SLC25A24: variants seen among roughly 807,000 people sequenced by gnomAD.
The protein encoded by SLC25A24 is solute carrier family 25 member 24, also known as mitochondrial adenyl nucleotide antiporter SLC25A24.
Under a neutral mutation model 60.7 loss-of-function variants are expected in SLC25A24, and 49 were observed. The observed-to-expected ratio is 0.81, with a 90% CI of 0.64 to 1.02. The LOEUF (loss-of-function observed/expected upper bound fraction) is 1.02. SLC25A24 is among the 50% of genes least tolerant of loss of function. The probability of loss-of-function intolerance (pLI) is 0.00; values close to 1 mark genes in which losing one functional copy is unlikely to be tolerated. For synonymous variants in SLC25A24, 202 were observed against 200.6 expected, an observed-to-expected ratio of 1.01 and a Z score of -0.06; for missense variants, 564 against 586.3, an observed-to-expected ratio of 0.96 and a Z score of 0.39.
intron 1 of SLC25A24, among the ~76,000 whole-genome samples, chr1:108,187,147 T>A (rs918684680): frequency 6.6e-6 from 1 of 151,972 alleles, no homozygotes; most frequent in African/African-American, 2.4e-5. Context: ...TGGTCAGATC[T>A]CCAACCTCCA....
intron 3 of SLC25A24, among the ~76,000 whole-genome samples, chr1:108,177,810 T>C (rs561204687): frequency 6.6e-6 from 1 of 152,316 alleles, no homozygotes; most frequent in South Asian, 2.1e-4. Flanking sequence ...CCTTAATAAG[T>C]TATGTAGCTA....
intron 1 of SLC25A24, among the ~76,000 whole-genome samples, chr1:108,186,693 T>C (rs575060122): frequency 6.6e-6 from 1 of 152,244 alleles, no homozygotes; most frequent in South Asian, 2.1e-4. Context: ...CCACCCAAAA[T>C]ATAACCTATC....
intron 1 of SLC25A24, among the ~76,000 whole-genome samples, chr1:108,198,130 C>T (rs140799017): frequency 6.6e-6 from 1 of 152,168 alleles, no homozygotes; most frequent in African/African-American, 2.4e-5. Context: ...GATGCCAGCA[C>T]CACGCTTCTT....
At chr1:108,169,754 AC>A (rs1357969002) in intron 3 of SLC25A24, among the ~76,000 whole-genome samples, 3 of 152,188 alleles carry the variant, frequency 2.0e-5, no homozygotes, top group Non-Finnish European at 2.9e-5. Flanking sequence ...TTGCTTAGGT[AC>A]TATAAGCTGT....
At chr1:108,159,102 T>C (rs1679983988) in intron 4 of SLC25A24, among the ~76,000 whole-genome samples, 1 of 152,318 alleles carries the variant, frequency 6.6e-6, no homozygotes, top group Non-Finnish European at 1.5e-5. Context: ...ATAATAGAAC[T>C]TGGTTTACAT....
chr1:108,161,233 A>G lies in SLC25A24; in HGVS notation c.459T>C (p.Phe153=), dbSNP rs1477349984. 6.2e-7 allele frequency: 1 copy of G among 1,603,792 alleles called. No individual in the cohort carries two copies. The highest frequency in any genetic ancestry group is 2.2e-5 in the East Asian group (1 of 44,800). ...TTTCCTCAATGTCTGTAACAGGATT[A>G]AATAAGAAGTAGTCTCTCCATTCAT... ...DWNEWRDYFL[F]NPVTDIEEII... is the part of the protein sequence containing the mutation. The change falls in exon 4 of 10, where the codon TTT becomes TTC. Residue 153 remains phenylalanine, a synonymous_variant. Transcript: ENST00000565488.
At chr1:108,157,878 T>C (rs1679946721) in intron 4 of SLC25A24, among the ~76,000 whole-genome samples, 1 of 152,026 alleles carries the variant, frequency 6.6e-6, no homozygotes, top group Admixed American at 6.5e-5. Context: ...CTTTCATTCA[T>C]CATAGATTCA....
At chr1:108,173,618 C>A (rs965607736) in intron 3 of SLC25A24, among the ~76,000 whole-genome samples, 2 of 152,134 alleles carry the variant, frequency 1.3e-5, no homozygotes, top group African/African-American at 4.8e-5. Flanking sequence ...GACTTTGGAA[C>A]TGGGTAACAG....
chr1:108,167,825 A>C (rs1033530352), intron 3 of SLC25A24, among the ~76,000 whole-genome samples: 10 of 152,166 alleles, frequency 6.6e-5, no homozygotes, highest in African/African-American at 2.4e-4. Context: ...AGTCTTAAGA[A>C]ATCCTGGCAC....
intron 3 of SLC25A24, among the ~76,000 whole-genome samples, chr1:108,167,512 C>G (rs185435946): frequency 6.6e-6 from 1 of 152,024 alleles, no homozygotes; most frequent in African/African-American, 2.4e-5. Flanking sequence ...TTTTTAAGCC[C>G]GTCAGAAAAG....
intron 3 of SLC25A24, among the ~76,000 whole-genome samples, chr1:108,165,932 T>C (rs1364694342): frequency 6.6e-6 from 1 of 152,216 alleles, no homozygotes; most frequent in African/African-American, 2.4e-5. Context: ...CGGCTGGTAC[T>C]GATTGTTCCT....
At chr1:108,142,787 T>C (rs1047234200) in intron 8 of SLC25A24, among the ~76,000 whole-genome samples, 3 of 152,144 alleles carry the variant, frequency 2.0e-5, no homozygotes, top group African/African-American at 7.2e-5. Context: ...TAATAATTTT[T>C]AAAAATTATG....
intron 3 of SLC25A24, among the ~76,000 whole-genome samples, chr1:108,171,234 T>C (rs1243138103): frequency 1.3e-5 from 2 of 152,026 alleles, no homozygotes; most frequent in Non-Finnish European, 2.9e-5. Context: ...TTACCACATA[T>C]ATATAACAAA....
rs1444221850 is a variant in SLC25A24, at chr1:108,134,216, C to G, written c.*2437G>C. 1 of 152,218 alleles carries G rather than the reference C, an allele frequency of 6.6e-6. No individual in the cohort carries two copies. The highest frequency in any genetic ancestry group is 2.4e-5 in the African/African-American group (1 of 41,458). The allele number at this position is 152,218 out of a possible 1,614,324, so 9.4% of individuals were successfully genotyped here. A position where few individuals can be genotyped will look rare whatever the true frequency, so the allele number is the denominator to read the frequency against. Reference sequence around the variant, plus strand: ...CAGGGACAGGTGTGTGGGCAGGGAACTGCCAGTGTCTGCTACAGCCATCTC... The same window carrying G: ...CAGGGACAGGTGTGTGGGCAGGGAAGTGCCAGTGTCTGCTACAGCCATCTC... On this transcript the variant is annotated 3_prime_UTR_variant, in exon 10 of 10. Coordinates refer to ENST00000565488, the MANE Select transcript of SLC25A24 (RefSeq NM_013386.5).
Position 108,139,215 on chromosome 1 carries a change from G to C in SLC25A24, c.1099-7C>G. On this transcript the variant is annotated splice_polypyrimidine_tract_variant and splice_region_variant and intron_variant, in intron 8 of 9. Coordinates refer to ENST00000565488, the MANE Select transcript of SLC25A24 (RefSeq NM_013386.5). ...GCCAATAGGACTTCAAGAGCTGCCA[G>C]AGAAATAAAGAAGAAAATAATTAAC... 1.3e-6 allele frequency: 2 copies of C among 1,580,144 alleles called. No homozygotes were observed. Among genetic ancestry groups the C allele is most frequent in the South Asian group, 1.2e-5 (1 of 84,486 alleles).
chr1:108,151,503 C>A (rs1679756392), intron 6 of SLC25A24, among the ~76,000 whole-genome samples: 1 of 152,162 alleles, frequency 6.6e-6, no homozygotes, highest in Admixed American at 6.5e-5. Flanking sequence ...TAGTACTGAC[C>A]CCCATGAAAC....
intron 3 of SLC25A24, among the ~76,000 whole-genome samples, chr1:108,172,578 T>G (rs974691048): frequency 1.3e-5 from 2 of 152,200 alleles, no homozygotes; most frequent in Non-Finnish European, 2.9e-5. Flanking sequence ...AGTTCACTTA[T>G]TACCAAGCCA....
At chr1:108,194,872 G>A (rs1014918699) in intron 1 of SLC25A24, among the ~76,000 whole-genome samples, 1 of 152,250 alleles carries the variant, frequency 6.6e-6, no homozygotes, top group South Asian at 2.1e-4. Context: ...AGGCCTCCAG[G>A]CATTAAATAA....
intron 8 of SLC25A24, among the ~76,000 whole-genome samples, chr1:108,139,527 T>C (rs1056921507): frequency 6.6e-6 from 1 of 152,196 alleles, no homozygotes; most frequent in Non-Finnish European, 1.5e-5. Context: ...TAATTGTATC[T>C]CATTTTACAC....
Sources: allele counts gnomAD v4.1 joint callset (sites outside exome capture counted in the v4.1 genomes callset), GRCh38; gene constraint gnomAD v4.1.1; transcripts MANE v1.5; gene names NCBI Gene and HGNC (gene_info 2026-07-23, HGNC 2026-07-21).